The following CRYZL1 variants were observed in gnomAD, a reference collection of about 807,000 sequenced individuals.
CRYZL1 encodes the protein crystallin zeta like 1.
Under a neutral mutation model 50.6 loss-of-function variants are expected in CRYZL1, and 34 were observed. The ratio of observed to expected loss-of-function variants is 0.67; its 90% CI spans 0.51 to 0.89. The LOEUF (loss-of-function observed/expected upper bound fraction) is 0.89. CRYZL1 is among the 40% of genes least tolerant of loss of function. CRYZL1 has a pLI of 0.00. For missense variants in CRYZL1, 354 were observed against 402.3 expected, an observed-to-expected ratio of 0.88 and a Z score of 1.03; for synonymous variants, 125 against 134.3, an observed-to-expected ratio of 0.93 and a Z score of 0.48.
At chr21:33,635,346 C>CTTTTT (rs11346670) in intron 1 of CRYZL1, among the ~76,000 whole-genome samples, 1 of 93,462 alleles carries the variant, frequency 1.1e-5, no homozygotes. Context: ...AAGTATTAAA[C>CTTTTT]TTTTTTTTTT....
intron 2 of CRYZL1, among the ~76,000 whole-genome samples, chr21:33,626,207 C>T (rs984845224): frequency 6.6e-6 from 1 of 151,420 alleles, no homozygotes; most frequent in African/African-American, 2.4e-5. Context: ...GATCTGCCTG[C>T]CTTGGCCTCC....
chr21:33,595,809 A>G lies in CRYZL1; in HGVS notation c.826T>C (p.Phe276Leu). Residue 276 changes from phenylalanine (F) to leucine (L), a missense_variant, in exon 11 of 13, where the codon TTC becomes CTC. Physicochemically the swap from Phe to Leu is conservative, Grantham distance 22. Coordinates refer to ENST00000381554, the MANE Select transcript of CRYZL1 (RefSeq NM_145858.3). ...AAAGCTAACGTTGCTCCCTTGAGGA[A>G]AAGGCAGTGGCTATCTGGAGGATCC... ...QLDPPDSHCL[F>L]LKGATLAFLN... 1 of 1,613,968 alleles carries G rather than the reference A, an allele frequency of 6.2e-7. No individual in the cohort carries two copies. Among genetic ancestry groups the G allele is most frequent in the Non-Finnish European group, 8.5e-7 (1 of 1,179,832 alleles).
chr21:33,635,414 C>T (rs1218139645), intron 1 of CRYZL1, among the ~76,000 whole-genome samples: 1 of 145,646 alleles, frequency 6.9e-6, no homozygotes, highest in Non-Finnish European at 1.5e-5. Context: ...GCAGTGGCGC[C>T]ATCTCAGCTC....
chr21:33,591,174 G>C lies in CRYZL1; in HGVS notation c.938C>G (p.Thr313Ser), dbSNP rs781041935. The C allele has an allele frequency of 1.2e-6, 2 of 1,609,766 alleles. No homozygotes were observed. Among genetic ancestry groups the C allele is most frequent in the South Asian group, 2.2e-5 (2 of 90,980 alleles). The change falls in exon 12 of 13, where the codon ACT becomes AGT. Residue 313 changes from threonine to serine, a missense_variant. Coordinates refer to ENST00000381554, the MANE Select transcript of CRYZL1 (RefSeq NM_145858.3). ...TACTTTAGCGTACCTGAAAACACCA[G>C]TTGATAACTTCTCCATCACATCCTT... ...ILKDVMEKLSTGVFRPQLDEP... is the reference protein window; with the variant it reads ...ILKDVMEKLSSGVFRPQLDEP...
At chr21:33,603,164 T>C (rs1047863400) in intron 7 of CRYZL1, 2 of 446,018 alleles carry the variant, frequency 4.5e-6, no homozygotes, top group Non-Finnish European at 8.1e-6. Flanking sequence ...CAGGAATGAA[T>C]AAAAATGGCT....
intron 11 of CRYZL1, among the ~76,000 whole-genome samples, chr21:33,593,299 G>A (rs768583350): frequency 1.3e-4 from 19 of 151,832 alleles, no homozygotes; most frequent in Non-Finnish European, 2.5e-4. Context: ...GTAGAGAAGG[G>A]GTTTCACCAT....
In CRYZL1 at chr21:33,641,422, TA is replaced by T. The variant is rs904277737; in HGVS notation, c.-7+258del. The T allele has an allele frequency of 1.9e-5, 25 of 1,285,588 alleles. No homozygotes were observed. The African/African-American group carries it at 3.7e-4, about 19-fold the overall frequency. 79.6% of individuals were successfully genotyped at this position (1,285,588 alleles called of 1,614,324 possible). A position where few individuals can be genotyped will look rare whatever the true frequency, so the allele number is the denominator to read the frequency against. ...GGGCACTCCCAGACCTCTGCCTCCA[TA>T]AAAGTAGAGGGAGATGCAAACTGAG... is the stretch of plus-strand genomic sequence containing the variant. On this transcript the variant is annotated intron_variant, in intron 1 of 12. Coordinates refer to ENST00000381554, the MANE Select transcript of CRYZL1 (RefSeq NM_145858.3).
intron 5 of CRYZL1, among the ~76,000 whole-genome samples, chr21:33,615,959 T>C (rs2086925333): frequency 6.6e-6 from 1 of 152,204 alleles, no homozygotes; most frequent in Admixed American, 6.5e-5. Flanking sequence ...ACTTTAAGTT[T>C]TAGGGTACAT....
intron 1 of CRYZL1, chr21:33,633,665 G>A (rs1273302892): frequency 3.9e-5 from 6 of 152,160 alleles, no homozygotes; most frequent in African/African-American, 1.2e-4. Context: ...CGTCTGCCTC[G>A]GCCTCCCGAA....
At chr21:33,640,192 CAA>C in intron 1 of CRYZL1, 2 of 1,548,126 alleles carry the variant, frequency 1.3e-6, no homozygotes, top group Non-Finnish European at 1.7e-6. Flanking sequence ...ATTGGGTCTA[CAA>C]AAAGAGCATA....
intron 11 of CRYZL1, chr21:33,595,365 T>G (rs1381893715): frequency 3.8e-6 from 5 of 1,302,102 alleles, no homozygotes; most frequent in Non-Finnish European, 5.1e-6. Context: ...CCTTTCAAGG[T>G]GATGTGTGCT....
intron 1 of CRYZL1, among the ~76,000 whole-genome samples, chr21:33,638,762 CTGA>C (rs2087241545): frequency 6.6e-6 from 1 of 152,138 alleles, no homozygotes; most frequent in South Asian, 2.1e-4. Context: ...GCAATTCCAG[CTGA>C]TAATATAAGA....
chr21:33,625,803 A>G (rs1473686172), intron 2 of CRYZL1, among the ~76,000 whole-genome samples: 1 of 151,678 alleles, frequency 6.6e-6, no homozygotes, highest in Non-Finnish European at 1.5e-5. Context: ...TCTTAACGCT[A>G]TAAGTGAAAT....
intron 2 of CRYZL1, among the ~76,000 whole-genome samples, chr21:33,630,521 G>T (rs989641400): frequency 2.0e-5 from 3 of 152,016 alleles, no homozygotes; most frequent in African/African-American, 7.2e-5. Flanking sequence ...GGGAGGCAGA[G>T]GTTGCAGTGA....
intron 8 of CRYZL1, 73 bp downstream of exon 8, chr21:33,602,161 A>T: frequency 1.2e-6 from 1 of 862,370 alleles, no homozygotes; most frequent in Non-Finnish European, 2.0e-6. Context: ...ACTTGGTTTT[A>T]CAAGTACATT....
intron 11 of CRYZL1, chr21:33,595,028 A>T: frequency 3.6e-6 from 1 of 275,174 alleles, no homozygotes; most frequent in Non-Finnish European, 5.8e-6. Context: ...TAAAACTTTT[A>T]CCAAGTGCTG....
intron 2 of CRYZL1, among the ~76,000 whole-genome samples, chr21:33,627,587 T>C (rs964640091): frequency 6.6e-6 from 1 of 152,218 alleles, no homozygotes; most frequent in African/African-American, 2.4e-5. Context: ...ATGAAAATTC[T>C]ACTATCTATG....
rs2086802671 is a variant in CRYZL1 at position 33,605,530 on chromosome 21, C to CTTTTTTTGTTTTTTTTTTTTTTTTT, written c.332-1994_332-1993insAAAAAAAAAAAAAAAAACAAAAAAA. ...GTAATTTTTCCGCAGTACAAGAATTCTTTTTTTTTTGAGATGGAGTCTCAC... is the reference window on the plus strand; with the variant it reads ...GTAATTTTTCCGCAGTACAAGAATTCTTTTTTTGTTTTTTTTTTTTTTTTTTTTTTTTTTTGAGATGGAGTCTCAC... On this transcript the variant is annotated intron_variant, in intron 6 of 12. Transcript: ENST00000381554. Among the ~76,000 whole-genome samples, 2 of 53,196 alleles carry CTTTTTTTGTTTTTTTTTTTTTTTTT rather than the reference C, an allele frequency of 3.8e-5. 1 individual carries two copies. The highest frequency in any genetic ancestry group is 1.6e-4 in the African/African-American group (2 of 12,340). 34.9% of individuals were successfully genotyped at this position (53,196 alleles called of 152,430 possible).
intron 10 of CRYZL1, 150 bp from the exon 11 acceptor site, chr21:33,595,986 A>G: frequency 3.1e-6 from 2 of 641,560 alleles, no homozygotes; most frequent in Non-Finnish European, 2.8e-6. Context: ...AAACGATAAT[A>G]TTTTCTATTT....
Sources: gnomAD v4.1 joint callset for allele counts (sites outside exome capture counted in the v4.1 genomes callset) on GRCh38, gnomAD v4.1.1 for gene constraint, MANE v1.5 for transcripts, NCBI Gene and HGNC (gene_info 2026-07-23, HGNC 2026-07-21) for gene names.